Variants in PPP2R2C observed in about 807,000 individuals in gnomAD.
PPP2R2C encodes protein phosphatase 2 regulatory subunit Bgamma, also known as protein phosphatase 2, regulatory subunit B, gamma.
Under a neutral mutation model 45.3 loss-of-function variants are expected in PPP2R2C, and 10 were observed. The observed-to-expected ratio is 0.22, with a 90% CI of 0.14 to 0.37. PPP2R2C has a LOEUF of 0.37. Among genes scored for constraint, PPP2R2C ranks in the 10% least tolerant of loss-of-function variants. The pLI, the probability that PPP2R2C is intolerant of heterozygous loss-of-function variation, is 1.00. For missense variants in PPP2R2C, 308 were observed against 619.7 expected (o/e 0.50, Z 5.34); for synonymous variants, 257 against 245.4 (o/e 1.05, Z -0.44).
chr4:6,479,228 G>A (rs973112996), intron 2 of PPP2R2C, among the ~76,000 whole-genome samples: 2 of 152,174 alleles, frequency 1.3e-5, no homozygotes, highest in East Asian at 3.8e-4. Context: ...GTATAATACA[G>A]CAGCTAGCTG....
chr4:6,421,122 G>A (rs910390825), intron 1 of PPP2R2C: 7 of 985,110 alleles, frequency 7.1e-6, no homozygotes, highest in Admixed American at 6.2e-5. Context: ...AACACATGCA[G>A]GTATGAGCCC....
At chr4:6,498,681 G>A (rs1052622496) in intron 2 of PPP2R2C, among the ~76,000 whole-genome samples, 7 of 152,076 alleles carry the variant, frequency 4.6e-5, no homozygotes, top group Non-Finnish European at 1.0e-4. Flanking sequence ...GTGACGTTGG[G>A]GAGCAACAGT....
intron 1 of PPP2R2C, chr4:6,384,585 A>T: frequency 1.0e-6 from 1 of 984,996 alleles, no homozygotes; most frequent in African/African-American, 1.7e-5. Context: ...AGTGTATATT[A>T]TTTTTATGAT....
chr4:6,381,042 T>C lies in PPP2R2C; in HGVS notation c.123A>G (p.Thr41=), dbSNP rs770639714. The part of the protein sequence containing the change: ...EFNHTGELLA[T]GDKGGRVVIF... ...TGACGACCCGGCCGCCCTTGTCACC[T>C]GTGGCCAGCAGCTCTCCCGTGTGGT... The change falls in exon 2 of 9, where the codon ACA becomes ACG. Residue 41 remains threonine, a synonymous_variant. Transcript: ENST00000382599. 8.9e-6 allele frequency: 14 copies of C among 1,576,970 alleles called. No individual in the cohort carries two copies. The highest frequency in any genetic ancestry group is 1.3e-5 in the African/African-American group (1 of 74,168).
intron 1 of PPP2R2C, among the ~76,000 whole-genome samples, chr4:6,416,266 T>C (rs1198165495): frequency 1.6e-5 from 2 of 127,380 alleles, no homozygotes; most frequent in African/African-American, 5.6e-5. Flanking sequence ...GCCCCCACGA[T>C]GTGTGGTTTT....
At chr4:6,496,448 A>G (rs1199028391) in intron 2 of PPP2R2C, among the ~76,000 whole-genome samples, 2 of 152,116 alleles carry the variant, frequency 1.3e-5, no homozygotes, top group African/African-American at 4.8e-5. Context: ...GTGAACACCC[A>G]CCTACAATCA....
chr4:6,472,887 A>G (rs1468618952), upstream of PPP2R2C, among the ~76,000 whole-genome samples: 1 of 151,364 alleles, frequency 6.6e-6, no homozygotes, highest in Non-Finnish European at 1.5e-5. Context: ...GAAGGCCAAG[A>G]GCCGGGGTGC....
chr4:6,327,500 A>C (rs1053902497), intron 8 of PPP2R2C, among the ~76,000 whole-genome samples: 1 of 152,222 alleles, frequency 6.6e-6, no homozygotes, highest in Non-Finnish European at 1.5e-5. Flanking sequence ...GGTCGCAGCC[A>C]GCGGGGACCT....
intron 3 of PPP2R2C, among the ~76,000 whole-genome samples, chr4:6,376,451 C>CT (rs58446685): frequency 1.1e-3 from 154 of 143,876 alleles, no homozygotes; most frequent in Middle Eastern, 7.2e-3. Context: ...AGTGACATGT[C>CT]TTTTTTTTTT....
chr4:6,544,810 C>T (rs1424326723), intron 1 of PPP2R2C, among the ~76,000 whole-genome samples: 1 of 152,232 alleles, frequency 6.6e-6, no homozygotes, highest in East Asian at 1.9e-4. Flanking sequence ...AGCAAATTAG[C>T]ACAAACTCCC....
intron 1 of PPP2R2C, among the ~76,000 whole-genome samples, chr4:6,552,274 C>T (rs73796256): frequency 0.019 from 2,911 of 152,286 alleles, 97 homozygotes; most frequent in African/African-American, 0.066. Context: ...AAAACAGAAG[C>T]TTATTCTCTA....
chr4:6,514,090 G>GA (rs953672748), intron 2 of PPP2R2C, among the ~76,000 whole-genome samples: 1 of 151,938 alleles, frequency 6.6e-6, no homozygotes, highest in Non-Finnish European at 1.5e-5. Flanking sequence ...TTTATGTAAG[G>GA]AAAAAATAAT....
chr4:6,429,014 G>A (rs955117086), intron 1 of PPP2R2C, among the ~76,000 whole-genome samples: 8 of 152,124 alleles, frequency 5.3e-5, no homozygotes, highest in African/African-American at 9.7e-5. Context: ...TTTAGGCTTC[G>A]TGGGACATAT....
At chr4:6,374,139 T>A (rs374130609) in intron 4 of PPP2R2C, among the ~76,000 whole-genome samples, 2 of 152,126 alleles carry the variant, frequency 1.3e-5, no homozygotes, top group South Asian at 2.1e-4. Flanking sequence ...ACCCTGGGGA[T>A]CCCTGGACTC....
At chr4:6,512,263 G>A (rs1448675918) in intron 2 of PPP2R2C, among the ~76,000 whole-genome samples, 4 of 96,134 alleles carry the variant, frequency 4.2e-5, no homozygotes, top group Admixed American at 2.0e-4. Context: ...GATGGTGGTG[G>A]TGGTGATGGT....
intron 2 of PPP2R2C, among the ~76,000 whole-genome samples, chr4:6,493,299 G>A (rs962256873): frequency 1.3e-5 from 2 of 151,778 alleles, no homozygotes; most frequent in Admixed American, 6.6e-5. Context: ...AAAATTCGTT[G>A]TTTATCAGGA....
chr4:6,554,915 G>A (rs1457660870), intron 1 of PPP2R2C, among the ~76,000 whole-genome samples: 1 of 88,982 alleles, frequency 1.1e-5, no homozygotes, highest in African/African-American at 4.3e-5. Flanking sequence ...AGGAAGGAAG[G>A]AAGGAAGGAA....
intron 1 of PPP2R2C, among the ~76,000 whole-genome samples, chr4:6,397,785 A>G (rs1717143489): frequency 6.6e-6 from 1 of 152,256 alleles, no homozygotes; most frequent in Admixed American, 6.5e-5. Flanking sequence ...GAGGGTCCTA[A>G]GGATTAAATA....
At chr4:6,560,132 AAGGCAGGGGCAGGGGTGCCCCAGGGC>A (rs1725528761) in intron 1 of PPP2R2C, among the ~76,000 whole-genome samples, 1 of 152,228 alleles carries the variant, frequency 6.6e-6, no homozygotes, top group African/African-American at 2.4e-5. Flanking sequence ...TTAGCCAGGC[AAGGCAGGGGCAGGGGTGCCCCAGGGC>A]AGGGAGCAGC....
Sources: gnomAD v4.1 joint callset for allele counts (sites outside exome capture counted in the v4.1 genomes callset) on GRCh38, gnomAD v4.1.1 for gene constraint, MANE v1.5 for transcripts, NCBI Gene and HGNC (gene_info 2026-07-23, HGNC 2026-07-21) for gene names.